The following KIAA1217 variants were observed in gnomAD, a reference collection of about 807,000 sequenced individuals.
The protein encoded by KIAA1217 is KIAA1217, also known as sickle tail protein homolog.
In KIAA1217, 88 loss-of-function variants were observed where a neutral mutation model predicts 163.9. That is an observed-to-expected ratio of 0.54 (90% CI 0.45 to 0.64). KIAA1217 has a LOEUF of 0.64. Among genes scored for constraint, KIAA1217 ranks in the 30% least tolerant of loss-of-function variants. KIAA1217 has a pLI of 0.00. For synonymous variants in KIAA1217, 903 were observed against 923.1 expected, an observed-to-expected ratio of 0.98 and a Z score of 0.39; for missense variants, 2,372 against 2,475.0, an observed-to-expected ratio of 0.96 and a Z score of 0.88.
chr10:24,091,059 A>G (rs2131684279), intron 2 of KIAA1217, among the ~76,000 whole-genome samples: 1 of 152,034 alleles, frequency 6.6e-6, no homozygotes, highest in African/African-American at 2.4e-5. Flanking sequence ...TTAAGATGAG[A>G]TTACCACAGT....
chr10:24,490,092 G>GT (rs1208013127), intron 6 of KIAA1217, among the ~76,000 whole-genome samples: 1 of 152,064 alleles, frequency 6.6e-6, no homozygotes, highest in African/African-American at 2.4e-5. Context: ...TTTGACTTGA[G>GT]TTTTTTTATT....
intron 4 of KIAA1217, among the ~76,000 whole-genome samples, chr10:24,436,746 A>C (rs1174717719): frequency 8.7e-6 from 1 of 114,536 alleles, no homozygotes; most frequent in Non-Finnish European, 1.7e-5. Flanking sequence ...CGACAGAGTG[A>C]GACTCCGTCT....
intron 2 of KIAA1217, among the ~76,000 whole-genome samples, chr10:24,183,251 C>G (rs558777589): frequency 7.9e-5 from 12 of 152,206 alleles, no homozygotes; most frequent in Non-Finnish European, 1.5e-4. Flanking sequence ...CCTCTTTTCT[C>G]TATAAATTAC....
chr10:24,476,250 T>C (rs2064026622), intron 6 of KIAA1217, among the ~76,000 whole-genome samples: 1 of 152,206 alleles, frequency 6.6e-6, no homozygotes. Flanking sequence ...CACAACTTAA[T>C]GTACATCCTT....
At chr10:24,090,410 C>A (rs2061894205) in intron 2 of KIAA1217, among the ~76,000 whole-genome samples, 1 of 144,010 alleles carries the variant, frequency 6.9e-6, no homozygotes, top group Middle Eastern at 3.6e-3. Flanking sequence ...AAACTCCCGG[C>A]CTCAAGCAGT....
chr10:24,449,169 A>G (rs572528224), intron 5 of KIAA1217, among the ~76,000 whole-genome samples: 29 of 152,212 alleles, frequency 1.9e-4, no homozygotes, highest in Non-Finnish European at 4.0e-4. Context: ...TGTCCAGAAC[A>G]TGGGAGATAT....
rs573485422 is a variant in KIAA1217 at position 23,918,579 on chromosome 10, C to T, written c.-320-88646C>T. On this transcript the variant is annotated intron_variant, in intron 1 of 18. Coordinates refer to the KIAA1217 transcript ENST00000376462. The stretch of plus-strand genomic sequence containing the variant: ...GTAGGAAGGCTACTGTGAATGCTTG[C>T]GCTGTCATAGACCTGCTGTCGGCAT... Among the ~76,000 whole-genome samples, 56 of 152,200 alleles carry T rather than the reference C, an allele frequency of 3.7e-4. No individual in the cohort carries two copies. In the South Asian group the frequency reaches 0.011, roughly 29 times the overall value.
At chr10:24,462,770 AT>A (rs1393977317) in intron 5 of KIAA1217, among the ~76,000 whole-genome samples, 3 of 152,206 alleles carry the variant, frequency 2.0e-5, no homozygotes, top group Admixed American at 6.5e-5. Flanking sequence ...TTGTTAGAAT[AT>A]GAAGTGTCAC....
chr10:24,103,053 G>A (rs932414161), intron 2 of KIAA1217, among the ~76,000 whole-genome samples: 1 of 152,164 alleles, frequency 6.6e-6, no homozygotes, highest in Non-Finnish European at 1.5e-5. Context: ...ATGACTGTGA[G>A]CTCTCCCCAG....
At chr10:24,114,183 C>T (rs892743169) in intron 2 of KIAA1217, among the ~76,000 whole-genome samples, 9 of 152,172 alleles carry the variant, frequency 5.9e-5, no homozygotes, top group Non-Finnish European at 1.3e-4. Context: ...GTCTGAGGAA[C>T]GTCCTTGTTA....
chr10:23,767,446 A>G (rs1211373112), intron 1 of KIAA1217, among the ~76,000 whole-genome samples: 1 of 152,146 alleles, frequency 6.6e-6, no homozygotes, highest in Non-Finnish European at 1.5e-5. Context: ...AGAAGGACAT[A>G]TTTAGTAGGT....
Position 24,544,166 on chromosome 10 carries a change from C to T in KIAA1217, c.4896C>T (p.Asp1632=), listed in dbSNP as rs2075430094. The T allele has an allele frequency of 6.2e-7, 1 of 1,614,148 alleles. No homozygotes were observed. The highest frequency in any genetic ancestry group is 8.5e-7 in the Non-Finnish European group (1 of 1,180,036). Residue 1632 remains aspartate (D), a synonymous_variant, in exon 19 of 21, where the codon GAC becomes GAT. Transcript: ENST00000376454. ...AAATCGCTAGGTCTCAACCTGAAGA[C>T]ACCCCTGAAAACACAGTGAGGAGGC... ...RFEIARSQPE[D]TPENTVRRQE...
chr10:24,069,207 C>A (rs953717238), intron 2 of KIAA1217, among the ~76,000 whole-genome samples: 4 of 152,164 alleles, frequency 2.6e-5, no homozygotes, highest in African/African-American at 9.7e-5. Flanking sequence ...AACAGTACTG[C>A]AGTACAGGTG....
At chr10:24,159,363 G>T (rs2065015654) in intron 2 of KIAA1217, among the ~76,000 whole-genome samples, 1 of 151,932 alleles carries the variant, frequency 6.6e-6, no homozygotes, top group Admixed American at 6.6e-5. Flanking sequence ...AATATAAAAT[G>T]GGACACTTTG....
chr10:24,022,307 T>C (rs916347647), intron 2 of KIAA1217, among the ~76,000 whole-genome samples: 2 of 151,558 alleles, frequency 1.3e-5, no homozygotes, highest in African/African-American at 4.8e-5. Flanking sequence ...ACCTAAACAG[T>C]CACTTCTCTA....
chr10:24,229,275 ATGT>A (rs2071032986), intron 2 of KIAA1217, among the ~76,000 whole-genome samples: 2 of 152,344 alleles, frequency 1.3e-5, no homozygotes, highest in South Asian at 2.1e-4. Context: ...TACAAGGCTA[ATGT>A]TGTAGAAAGT....
At chr10:23,873,752 T>C (rs148047540) in intron 1 of KIAA1217, among the ~76,000 whole-genome samples, 36 of 151,998 alleles carry the variant, frequency 2.4e-4, no homozygotes, top group South Asian at 1.0e-3. Flanking sequence ...ATGCTCAGAA[T>C]TGAAGAAAGT....
intron 1 of KIAA1217, among the ~76,000 whole-genome samples, chr10:23,711,494 G>C (rs953698055): frequency 1.3e-5 from 2 of 152,166 alleles, no homozygotes; most frequent in South Asian, 4.1e-4. Flanking sequence ...GGCAGACAGC[G>C]TGGTTTTGGT....
chr10:24,133,571 C>CAA (rs765374458), intron 2 of KIAA1217, among the ~76,000 whole-genome samples: 28 of 113,726 alleles, frequency 2.5e-4, no homozygotes, highest in African/African-American at 7.2e-4. Flanking sequence ...GACTGTGTCT[C>CAA]AAAAAAAAAA....
Sources: allele counts gnomAD v4.1 joint callset (sites outside exome capture counted in the v4.1 genomes callset), GRCh38; gene constraint gnomAD v4.1.1; transcripts MANE v1.5; gene names NCBI Gene and HGNC (gene_info 2026-07-23, HGNC 2026-07-21).